The following PARP11 variants were observed in gnomAD, a reference collection of about 807,000 sequenced individuals.
PARP11 encodes protein mono-ADP-ribosyltransferase PARP11.
Under a neutral mutation model 42.9 loss-of-function variants are expected in PARP11, and 31 were observed. The observed-to-expected ratio is 0.72, with a 90% CI of 0.54 to 0.98. The LOEUF is 0.98. Among genes scored for constraint, PARP11 ranks in the 50% least tolerant of loss-of-function variants. The pLI is 0.00. For synonymous variants in PARP11, 137 were observed against 127.3 expected (o/e 1.08, Z -0.51); for missense variants, 365 against 413.1 (o/e 0.88, Z 1.01).
At chr12:3,872,215 T>C (rs1453976405) in intron 1 of PARP11, among the ~76,000 whole-genome samples, 3 of 152,160 alleles carry the variant, frequency 2.0e-5, no homozygotes, top group Non-Finnish European at 4.4e-5. Context: ...TTATTAACAT[T>C]AGAGTATATC....
chr12:3,857,133 G>A (rs142058488), intron 1 of PARP11, among the ~76,000 whole-genome samples: 3 of 151,904 alleles, frequency 2.0e-5, no homozygotes, highest in Admixed American at 6.6e-5. Flanking sequence ...GTCGGGGGGT[G>A]GGGGGCTGGG....
chr12:3,836,514 TA>T (rs1947765639), intron 1 of PARP11, among the ~76,000 whole-genome samples: 1 of 152,006 alleles, frequency 6.6e-6, no homozygotes, highest in African/African-American at 2.4e-5. Flanking sequence ...TAGGCATTCG[TA>T]ATAATCCATG....
intron 1 of PARP11, among the ~76,000 whole-genome samples, chr12:3,838,588 A>C (rs1591778624): frequency 6.6e-6 from 1 of 152,338 alleles, no homozygotes; most frequent in East Asian, 1.9e-4. Context: ...AATTAACAGA[A>C]GGAAATAATA....
chr12:3,852,261 G>A (rs909039180), intron 1 of PARP11, among the ~76,000 whole-genome samples: 2 of 152,196 alleles, frequency 1.3e-5, no homozygotes, highest in African/African-American at 4.8e-5. Context: ...GCAAGCAACG[G>A]AACAAAGCTG....
intron 1 of PARP11, among the ~76,000 whole-genome samples, chr12:3,866,702 G>A (rs1372636618): frequency 6.6e-6 from 1 of 152,060 alleles, no homozygotes; most frequent in East Asian, 1.9e-4. Flanking sequence ...TGTTAATAAG[G>A]ACAAAGAAGA....
At chr12:3,820,183 T>C (rs919334829) in intron 6 of PARP11, among the ~76,000 whole-genome samples, 2 of 152,186 alleles carry the variant, frequency 1.3e-5, no homozygotes, top group African/African-American at 4.8e-5. Flanking sequence ...AGAACAGTGC[T>C]TGTCATAAAG....
chr12:3,872,273 T>C (rs1359491963), intron 1 of PARP11, among the ~76,000 whole-genome samples: 1 of 152,180 alleles, frequency 6.6e-6, no homozygotes, highest in East Asian at 1.9e-4. Flanking sequence ...TCATGGGTCC[T>C]ACGCATAAAA....
At chr12:3,826,310 C>T (rs947883435) in intron 3 of PARP11, 77 bp from the exon 4 acceptor site, 29 of 1,008,362 alleles carry the variant, frequency 2.9e-5, no homozygotes, top group Middle Eastern at 4.5e-4. Flanking sequence ...TTAATAGCCA[C>T]GCTACGCGAT....
rs1186925561 is a variant in PARP11, at chr12:3,829,038, A to G, written c.148-8T>C. 4.3e-6 allele frequency: 7 copies of G among 1,613,674 alleles called. No homozygotes were observed. The East Asian group carries it at 1.1e-4, about 26-fold the overall frequency. ...CTGACTGTTGGTATCCGGCTTTAAG[A>G]CAAACCAGAAAGTTTCATTTACCAG... On this transcript the variant is annotated splice_region_variant and splice_polypyrimidine_tract_variant and intron_variant, in intron 2 of 7. Coordinates refer to ENST00000228820, the MANE Select transcript of PARP11 (RefSeq NM_020367.6).
At chr12:3,846,751 C>T (rs868722198) in intron 1 of PARP11, among the ~76,000 whole-genome samples, 8 of 135,094 alleles carry the variant, frequency 5.9e-5, no homozygotes, top group African/African-American at 1.1e-4. Flanking sequence ...AGCGAGACTC[C>T]GTCTTAAAAA....
intron 1 of PARP11, among the ~76,000 whole-genome samples, chr12:3,830,474 T>A (rs1308432687): frequency 6.6e-6 from 1 of 152,148 alleles, no homozygotes; most frequent in Non-Finnish European, 1.5e-5. Context: ...TGTAAAAGAT[T>A]ACAAAAAAAT....
At chr12:3,852,387 GA>G (rs1452505266) in intron 1 of PARP11, among the ~76,000 whole-genome samples, 4 of 152,070 alleles carry the variant, frequency 2.6e-5, no homozygotes, top group African/African-American at 7.2e-5. Flanking sequence ...TAAAAACCTT[GA>G]AAAAAGATTA....
intron 1 of PARP11, among the ~76,000 whole-genome samples, chr12:3,830,342 T>C (rs1046729889): frequency 2.0e-5 from 3 of 152,350 alleles, no homozygotes. Flanking sequence ...TTTTATCTTA[T>C]GCTCATGTAT....
chr12:3,827,761 T>G (rs567066072), intron 3 of PARP11, among the ~76,000 whole-genome samples: 1 of 152,338 alleles, frequency 6.6e-6, no homozygotes, highest in East Asian at 1.9e-4. Flanking sequence ...TCACTGTTTC[T>G]GGGCCTTGGT....
chr12:3,841,504 G>A lies in PARP11; in HGVS notation c.19-11486C>T, dbSNP rs371530543. On this transcript the variant is annotated intron_variant, in intron 1 of 7. Transcript: ENST00000228820. ...TATGCAGACTGAGGCTAGTGTTAAT[G>A]GTCAAATGCTACAGCCAGTGATTGG... 49 of 1,542,330 alleles carry A rather than the reference G, an allele frequency of 3.2e-5. 1 individual carries two copies. Among genetic ancestry groups the A allele is most frequent in the East Asian group, 1.1e-4 (5 of 44,512 alleles).
chr12:3,822,556 G>T (rs1006931442), intron 4 of PARP11, among the ~76,000 whole-genome samples: 1 of 145,684 alleles, frequency 6.9e-6, no homozygotes, highest in Admixed American at 7.0e-5. Flanking sequence ...CCGAGATTGC[G>T]CCACTGCACT....
At chr12:3,847,790 T>C (rs1341857321) in intron 1 of PARP11, among the ~76,000 whole-genome samples, 1 of 152,212 alleles carries the variant, frequency 6.6e-6, no homozygotes, top group African/African-American at 2.4e-5. Context: ...TTCACTACTG[T>C]TACTCAACAT....
chr12:3,826,127 A>G lies in PARP11; in HGVS notation c.344+31T>C. The G allele has an allele frequency of 2.2e-6, 3 of 1,375,894 alleles. No homozygotes were observed. The South Asian group carries it at 4.0e-5, about 18-fold the overall frequency. 85.2% of individuals were successfully genotyped at this position (1,375,894 alleles called of 1,614,324 possible). A position where few individuals can be genotyped will look rare whatever the true frequency, so the allele number is the denominator to read the frequency against. On this transcript the variant is annotated intron_variant, in intron 4 of 7. Transcript: ENST00000228820. ...TCCAATAGTAAGAAAAAAAAAACCCACTCTTTCCACCCCTATTCTCTTTAC... is the reference window on the plus strand; with the variant it reads ...TCCAATAGTAAGAAAAAAAAAACCCGCTCTTTCCACCCCTATTCTCTTTAC...
chr12:3,823,831 A>C (rs993667727), intron 4 of PARP11, among the ~76,000 whole-genome samples: 1 of 151,332 alleles, frequency 6.6e-6, no homozygotes, highest in Non-Finnish European at 1.5e-5. Flanking sequence ...CAGGAGAATC[A>C]CTTGAACCTG....
Sources: allele counts gnomAD v4.1 joint callset (sites outside exome capture counted in the v4.1 genomes callset), GRCh38; gene constraint gnomAD v4.1.1; transcripts MANE v1.5; gene names NCBI Gene and HGNC (gene_info 2026-07-23, HGNC 2026-07-21).